The following ECT2 variants were observed in gnomAD, a reference collection of about 807,000 sequenced individuals.
The protein encoded by ECT2 is protein ECT2.
In ECT2, 61 loss-of-function variants were observed where a neutral mutation model predicts 116.9. The ratio of observed to expected loss-of-function variants is 0.52; its 90% confidence interval spans 0.42 to 0.65. The LOEUF (loss-of-function observed/expected upper bound fraction) is 0.65. Among genes scored for constraint, ECT2 ranks in the 30% least tolerant of loss-of-function variants. The pLI, the probability that ECT2 is intolerant of heterozygous loss-of-function variation, is 0.00. For missense variants in ECT2, 937 were observed against 1,078.7 expected (o/e 0.87, Z 1.84); for synonymous variants, 358 against 346.4 (o/e 1.03, Z -0.37).
rs1470844716 is a variant in ECT2, at chr3:172,784,908, A to G, written c.1825+105A>G. 1.0e-5 allele frequency: 7 copies of G among 696,366 alleles called. No individual in the cohort carries two copies. In the African/African-American group the frequency reaches 1.1e-4, roughly 11 times the overall value. The allele number at this position is 696,366 out of a possible 1,614,324, so 43.1% of individuals were successfully genotyped here. A position where few individuals can be genotyped will look rare whatever the true frequency, so the allele number is the denominator to read the frequency against. On this transcript the variant is annotated intron_variant, in intron 17 of 24. Transcript: ENST00000392692. ...TTTTTAGAGTTTCTTAGATTTCAGC[A>G]TTAAAGTTTATATATGTTTTGCTTT...
chr3:172,815,993 C>CATGA (rs1729637723), intron 23 of ECT2, among the ~76,000 whole-genome samples: 1 of 152,084 alleles, frequency 6.6e-6, no homozygotes, highest in African/African-American at 2.4e-5. Flanking sequence ...TATGTGTGCA[C>CATGA]TCATCTTAAA....
At chr3:172,757,270 A>G (rs979423812) in intron 5 of ECT2, 105 bp downstream of exon 5, 35 of 791,684 alleles carry the variant, frequency 4.4e-5, no homozygotes, top group African/African-American at 1.3e-4. Context: ...GCTGAGAGCA[A>G]AATATTTAGA....
At chr3:172,771,058 A>T (rs986317568) in intron 13 of ECT2, among the ~76,000 whole-genome samples, 1 of 152,210 alleles carries the variant, frequency 6.6e-6, no homozygotes, top group African/African-American at 2.4e-5. Flanking sequence ...TTTCTAGAAA[A>T]ATACAGTAAT....
intron 24 of ECT2, chr3:172,818,504 G>A: frequency 8.7e-7 from 1 of 1,152,652 alleles, no homozygotes; most frequent in Non-Finnish European, 1.1e-6. Context: ...ATACCTTCAA[G>A]ACATTAATGT....
chr3:172,778,444 G>T (rs1223284700), intron 14 of ECT2, among the ~76,000 whole-genome samples: 1 of 152,110 alleles, frequency 6.6e-6, no homozygotes, highest in Admixed American at 6.5e-5. Context: ...CTTTCTAATG[G>T]GGAGGAACTG....
chr3:172,818,240 A>G (rs12637015), intron 24 of ECT2: 72,908 of 155,896 alleles, frequency 0.47, 20,204 homozygotes, highest in East Asian at 0.69. Flanking sequence ...ATCTTAACCA[A>G]TGGGAGAGAA....
intron 13 of ECT2, among the ~76,000 whole-genome samples, chr3:172,770,374 T>C (rs1720382340): frequency 6.6e-6 from 1 of 152,258 alleles, no homozygotes; most frequent in Non-Finnish European, 1.5e-5. Context: ...TTAAATTCAC[T>C]AAAACTCCTT....
Position 172,805,755 on chromosome 3 carries a change from A to G in ECT2, c.2131A>G (p.Ile711Val), listed in dbSNP as rs1397663335. Reference sequence around the variant, plus strand: ...GATAGCAAGAAAACGGCACAAGGTTATTGGCACTTTTAGGAGTCCTCATGG... The same window carrying G: ...GATAGCAAGAAAACGGCACAAGGTTGTTGGCACTTTTAGGAGTCCTCATGG... ...LEIARKRHKVIGTFRSPHGQT... is the reference protein window; with the variant it reads ...LEIARKRHKVVGTFRSPHGQT... Residue 711 changes from isoleucine to valine, a missense_variant, in exon 21 of 25, where the codon ATT becomes GTT. Physicochemically the swap from Ile to Val is conservative, Grantham distance 29. Transcript: ENST00000392692. 5 of 1,613,782 alleles carry G rather than the reference A, an allele frequency of 3.1e-6. No homozygotes were observed. The highest frequency in any genetic ancestry group is 4.2e-6 in the Non-Finnish European group (5 of 1,179,822).
intron 22 of ECT2, among the ~76,000 whole-genome samples, chr3:172,810,089 G>T (rs566018282): frequency 1.3e-3 from 193 of 152,208 alleles, no homozygotes; most frequent in Non-Finnish European, 1.9e-3. Context: ...TTCATATATT[G>T]CCTAAGATAA....
intron 12 of ECT2, 48 bp downstream of exon 12, chr3:172,764,548 A>G (rs752356650): frequency 7.9e-6 from 12 of 1,511,696 alleles, no homozygotes; most frequent in Non-Finnish European, 1.1e-5. Flanking sequence ...GTGGAATGGA[A>G]TAATTGTTAG....
chr3:172,776,500 C>T (rs1031298187), intron 14 of ECT2, among the ~76,000 whole-genome samples: 4 of 151,940 alleles, frequency 2.6e-5, no homozygotes, highest in African/African-American at 9.7e-5. Context: ...TTAAATGAAG[C>T]CAACCATCTA....
rs780500352 is a variant in ECT2 at position 172,802,713 on chromosome 3, C to T, written c.1986+19C>T. The T allele has an allele frequency of 2.6e-6, 4 of 1,557,816 alleles. No individual in the cohort carries two copies. The highest frequency in any genetic ancestry group is 1.4e-5 in the African/African-American group (1 of 72,026). On this transcript the variant is annotated intron_variant, in intron 19 of 24. Coordinates refer to ENST00000392692, the MANE Select transcript of ECT2 (RefSeq NM_001258315.2). ...ATGCCCAGTAAGTATTCTTCTTTAA[C>T]AATTATTAATTTATTTTCTTCTTGT...
chr3:172,758,875 A>T (rs552404600), intron 5 of ECT2, 105 bp from the exon 6 acceptor site: 1 of 961,464 alleles, frequency 1.0e-6, no homozygotes, highest in East Asian at 2.6e-5. Flanking sequence ...TGGATTGGGA[A>T]AGTTGAATGG....
rs968672446 is a variant in ECT2, at chr3:172,757,252, C to T, written c.486+87C>T. Reference sequence around the variant, plus strand: ...GCAAAAAATTTATTTGGAAAAATCTCATTGATTGCTGAGAGCAAAATATTT... The same window carrying T: ...GCAAAAAATTTATTTGGAAAAATCTTATTGATTGCTGAGAGCAAAATATTT... On this transcript the variant is annotated intron_variant, in intron 5 of 24. Coordinates refer to ENST00000392692, the MANE Select transcript of ECT2 (RefSeq NM_001258315.2). 4.7e-6 allele frequency: 5 copies of T among 1,055,760 alleles called. No individual in the cohort carries two copies. In the African/African-American group the frequency reaches 8.4e-5, roughly 18 times the overall value. The allele number at this position is 1,055,760 out of a possible 1,614,324, so 65.4% of individuals were successfully genotyped here. A position where few individuals can be genotyped will look rare whatever the true frequency, so the allele number is the denominator to read the frequency against.
chr3:172,777,651 C>T (rs1193425647), intron 14 of ECT2, among the ~76,000 whole-genome samples: 5 of 152,188 alleles, frequency 3.3e-5, no homozygotes, highest in Non-Finnish European at 7.3e-5. Flanking sequence ...GTAATTTCTG[C>T]ACTTTGGGAG....
the ECT2 span, chr3:172,829,136 G>A: frequency 1.5e-6 from 1 of 668,220 alleles, no homozygotes; most frequent in Non-Finnish European, 2.8e-6. Context: ...CAGTGGATCT[G>A]AGCCGGAGAA....
At chr3:172,802,386 T>C (rs1726880184) in intron 18 of ECT2, among the ~76,000 whole-genome samples, 1 of 152,198 alleles carries the variant, frequency 6.6e-6, no homozygotes, top group Non-Finnish European at 1.5e-5. Context: ...GTGCTGGGAT[T>C]ACAGGCGCAA....
At chr3:172,803,812 C>CTT (rs71162313) in intron 20 of ECT2, among the ~76,000 whole-genome samples, 4 of 146,186 alleles carry the variant, frequency 2.7e-5, no homozygotes, top group African/African-American at 2.5e-5. Context: ...TTTCGTTTTT[C>CTT]TTTTTTTTTT....
At chr3:172,768,154 T>C (rs1336735582) in intron 12 of ECT2, among the ~76,000 whole-genome samples, 2 of 152,054 alleles carry the variant, frequency 1.3e-5, no homozygotes, top group Non-Finnish European at 2.9e-5. Flanking sequence ...TCAGTTAATA[T>C]TGGGTTTTTT....
Sources: allele counts gnomAD v4.1 joint callset (sites outside exome capture counted in the v4.1 genomes callset), GRCh38; gene constraint gnomAD v4.1.1; transcripts MANE v1.5; gene names NCBI Gene and HGNC (gene_info 2026-07-23, HGNC 2026-07-21).